The following DPYD variants were observed in gnomAD, a reference collection of about 807,000 sequenced individuals.
DPYD encodes dihydropyrimidine dehydrogenase [NADP(+)].
In DPYD, 109 loss-of-function variants were observed where a neutral mutation model predicts 116.2. The ratio of observed to expected loss-of-function variants is 0.94; its 90% CI spans 0.80 to 1.10. The LOEUF (loss-of-function observed/expected upper bound fraction) is 1.10, where lower values mean the gene tolerates loss of function less well. Among genes scored for constraint, DPYD ranks in the 50% least tolerant of loss-of-function variants. DPYD has a pLI of 0.00. For synonymous variants in DPYD, 440 were observed against 432.0 expected (o/e 1.02, Z -0.23); for missense variants, 1,302 against 1,254.5 (o/e 1.04, Z -0.57).
intron 7 of DPYD, among the ~76,000 whole-genome samples, chr1:97,688,495 T>C (rs1026376890): frequency 2.0e-5 from 3 of 152,004 alleles, no homozygotes; most frequent in African/African-American, 4.8e-5. Context: ...AAAATGGTCA[T>C]AGTTCTATTT....
chr1:97,127,947 G>A (rs1652975269), intron 20 of DPYD, among the ~76,000 whole-genome samples: 1 of 152,030 alleles, frequency 6.6e-6, no homozygotes, highest in Non-Finnish European at 1.5e-5. Context: ...TGCTAATCTT[G>A]CACAGACCAA....
intron 14 of DPYD, among the ~76,000 whole-genome samples, chr1:97,386,498 C>T (rs1672356875): frequency 6.6e-6 from 1 of 152,094 alleles, no homozygotes; most frequent in Non-Finnish European, 1.5e-5. Context: ...AACATATCTG[C>T]ATATTTAAAC....
intron 8 of DPYD, among the ~76,000 whole-genome samples, chr1:97,628,196 C>G (rs1049424081): frequency 2.0e-5 from 3 of 152,006 alleles, no homozygotes; most frequent in Non-Finnish European, 4.4e-5. Flanking sequence ...TTCTATTGCC[C>G]AGGCTCTCCA....
At chr1:97,881,397 T>G (rs1025517040) in intron 2 of DPYD, among the ~76,000 whole-genome samples, 3 of 151,986 alleles carry the variant, frequency 2.0e-5, no homozygotes, top group African/African-American at 7.2e-5. Flanking sequence ...TCTCTGTTGT[T>G]TAAGCCACCT....
At chr1:97,364,014 T>C (rs536580994) in intron 16 of DPYD, among the ~76,000 whole-genome samples, 56 of 152,322 alleles carry the variant, frequency 3.7e-4, no homozygotes, top group African/African-American at 1.3e-3. Flanking sequence ...ATTTCATTCT[T>C]TTTATGGCTG....
At chr1:97,392,727 A>G (rs917657648) in intron 14 of DPYD, among the ~76,000 whole-genome samples, 1 of 152,100 alleles carries the variant, frequency 6.6e-6, no homozygotes, top group Non-Finnish European at 1.5e-5. Context: ...TTGCTCATTC[A>G]TAAGAAGTAA....
intron 16 of DPYD, among the ~76,000 whole-genome samples, chr1:97,371,086 A>G (rs1246899082): frequency 6.6e-6 from 1 of 152,160 alleles, no homozygotes; most frequent in Admixed American, 6.5e-5. Context: ...ATATGTATAT[A>G]TATCAGTGTT....
At chr1:97,212,293 A>C (rs1475728204) in intron 19 of DPYD, among the ~76,000 whole-genome samples, 1 of 152,174 alleles carries the variant, frequency 6.6e-6, no homozygotes, top group Non-Finnish European at 1.5e-5. Flanking sequence ...CAATCATTTC[A>C]TAAAAATGGA....
At chr1:97,689,712 C>A (rs1043371178) in intron 7 of DPYD, among the ~76,000 whole-genome samples, 1 of 151,938 alleles carries the variant, frequency 6.6e-6, no homozygotes, top group Admixed American at 6.6e-5. Context: ...TCCGTGATGA[C>A]TTTTCAAAAG....
chr1:97,461,458 C>A (rs1239825640), intron 13 of DPYD, among the ~76,000 whole-genome samples: 1 of 152,130 alleles, frequency 6.6e-6, no homozygotes, highest in Non-Finnish European at 1.5e-5. Context: ...TCGGGCAACA[C>A]ACACCTCTGT....
intron 10 of DPYD, among the ~76,000 whole-genome samples, chr1:97,574,481 TA>T: frequency 6.6e-6 from 1 of 152,118 alleles, no homozygotes; most frequent in African/African-American, 2.4e-5. Flanking sequence ...AACTAAGAAA[TA>T]AAAAACATTT....
chr1:97,678,462 G>T (rs1571176186), intron 8 of DPYD, among the ~76,000 whole-genome samples: 1 of 152,084 alleles, frequency 6.6e-6, no homozygotes, highest in East Asian at 1.9e-4. Context: ...TGACATTCAT[G>T]AGGCAAAGAC....
chr1:97,579,572 C>T (rs957818946), intron 10 of DPYD, among the ~76,000 whole-genome samples: 1 of 152,200 alleles, frequency 6.6e-6, no homozygotes, highest in South Asian at 2.1e-4. Flanking sequence ...TTAAATTAAC[C>T]AGCCTTCTGT....
chr1:97,454,459 ATAGT>A (rs1284826110), intron 13 of DPYD, among the ~76,000 whole-genome samples: 1 of 151,962 alleles, frequency 6.6e-6, no homozygotes, highest in African/African-American at 2.4e-5. Flanking sequence ...ATATTCAAGA[ATAGT>A]TAGAGTAGAG....
intron 20 of DPYD, among the ~76,000 whole-genome samples, chr1:97,188,957 G>A (rs978558582): frequency 6.6e-6 from 1 of 151,974 alleles, no homozygotes; most frequent in African/African-American, 2.4e-5. Flanking sequence ...AAGTTCAAAG[G>A]TTATTTCTTT....
rs1029906972 is a variant in DPYD at position 97,806,765 on chromosome 1, A to G, written c.233+21349T>C. Among the ~76,000 whole-genome samples, 3 of 152,078 alleles carry G rather than the reference A, an allele frequency of 2.0e-5. No homozygotes were observed. In the East Asian group the frequency reaches 5.8e-4, roughly 29 times the overall value. ...TATAATAATATGGATCTATCATGAT[A>G]GTATCATACGAAGTATTCTCACTCT... On this transcript the variant is annotated intron_variant, in intron 3 of 22. Coordinates refer to ENST00000370192, the MANE Select transcript of DPYD (RefSeq NM_000110.4).
chr1:97,770,511 G>A (rs1666084636), intron 3 of DPYD, among the ~76,000 whole-genome samples: 2 of 152,090 alleles, frequency 1.3e-5, no homozygotes, highest in African/African-American at 4.8e-5. Flanking sequence ...TGCATGTAAA[G>A]GAGAAAAACT....
intron 20 of DPYD, among the ~76,000 whole-genome samples, chr1:97,107,023 G>T (rs928830607): frequency 1.3e-5 from 2 of 151,900 alleles, no homozygotes; most frequent in Admixed American, 1.3e-4. Flanking sequence ...CGTAGTATTC[G>T]GGAAACAGAG....
chr1:97,386,752 T>C (rs1221863747), intron 14 of DPYD, among the ~76,000 whole-genome samples: 2 of 152,126 alleles, frequency 1.3e-5, no homozygotes, highest in African/African-American at 2.4e-5. Flanking sequence ...TGTGAAAATA[T>C]GTGGTAGCAT....
Sources: allele counts gnomAD v4.1 joint callset (sites outside exome capture counted in the v4.1 genomes callset), GRCh38; gene constraint gnomAD v4.1.1; transcripts MANE v1.5; gene names NCBI Gene and HGNC (gene_info 2026-07-23, HGNC 2026-07-21).